Variants in LIMA1 observed in about 807,000 individuals in gnomAD.
The protein encoded by LIMA1 is LIM domain and actin binding 1.
Under a neutral mutation model 62.6 loss-of-function variants are expected in LIMA1, and 52 were observed. The observed-to-expected ratio is 0.83, with a 90% CI of 0.67 to 1.05. LIMA1 has a LOEUF of 1.05. LIMA1 is among the 50% of genes least tolerant of loss of function. LIMA1 has a pLI of 0.00. For missense variants in LIMA1, 780 were observed against 902.2 expected (o/e 0.86, Z 1.74); for synonymous variants, 302 against 317.8 (o/e 0.95, Z 0.53).
chr12:50,277,721 A>G (rs754581232), intron 1 of LIMA1, among the ~76,000 whole-genome samples: 50 of 152,310 alleles, frequency 3.3e-4, no homozygotes, highest in Non-Finnish European at 5.1e-4. Flanking sequence ...CAACTTCTGT[A>G]TACTTTCCAC....
At chr12:50,277,407 GA>G (rs1477304430) in intron 1 of LIMA1, among the ~76,000 whole-genome samples, 1 of 152,094 alleles carries the variant, frequency 6.6e-6, no homozygotes, top group Admixed American at 6.6e-5. Context: ...AAAATTAGGT[GA>G]AAGGTTAGAG....
intron 1 of LIMA1, among the ~76,000 whole-genome samples, chr12:50,258,422 A>C (rs1592560850): frequency 6.6e-6 from 1 of 151,964 alleles, no homozygotes; most frequent in Admixed American, 6.6e-5. Context: ...TCAGCCTGCC[A>C]AGTAGCTGGG....
Position 50,200,822 on chromosome 12 carries a change from C to A in LIMA1, c.927G>T (p.Val309=). The A allele has an allele frequency of 6.2e-7, 1 of 1,614,162 alleles. No homozygotes were observed. Among genetic ancestry groups the A allele is most frequent in the Non-Finnish European group, 8.5e-7 (1 of 1,180,024 alleles). The change falls in exon 7 of 11, where the codon GTG becomes GTT. Residue 309 remains valine (V), a synonymous_variant. Transcript: ENST00000341247. ...TGATGCAGACCTCAGGACCTGGGGG[C>A]ACATTCTCCTTTTGCTCCATTTTAT... ...KIHKMEQKEN[V]PPGPEVCITH... is the part of the protein sequence containing the mutation.
At chr12:50,252,852 T>C (rs997163640) in intron 1 of LIMA1, among the ~76,000 whole-genome samples, 5 of 152,216 alleles carry the variant, frequency 3.3e-5, no homozygotes, top group African/African-American at 1.2e-4. Flanking sequence ...TGAAAAAGCA[T>C]GTAACATGAC....
At chr12:50,210,628 G>C (rs952442982) in intron 4 of LIMA1, among the ~76,000 whole-genome samples, 1 of 152,102 alleles carries the variant, frequency 6.6e-6, no homozygotes, top group African/African-American at 2.4e-5. Flanking sequence ...TGCTGTTATT[G>C]GGAGCATAAT....
intron 6 of LIMA1, chr12:50,201,132 A>G (rs1941041167): frequency 1.6e-6 from 2 of 1,240,844 alleles, no homozygotes; most frequent in Non-Finnish European, 2.0e-6. Flanking sequence ...ATTAGAATAC[A>G]GACACATCAA....
intron 1 of LIMA1, among the ~76,000 whole-genome samples, chr12:50,274,452 C>A (rs1942251712): frequency 6.6e-6 from 1 of 152,012 alleles, no homozygotes; most frequent in Non-Finnish European, 1.5e-5. Flanking sequence ...GGTGTGGTGG[C>A]AGGTGCCTGG....
chr12:50,262,002 CA>C (rs1942078622), intron 1 of LIMA1, among the ~76,000 whole-genome samples: 1 of 152,090 alleles, frequency 6.6e-6, no homozygotes, highest in Non-Finnish European at 1.5e-5. Flanking sequence ...AGAAATCAAA[CA>C]ATAGAGTAGG....
rs1292415340 is a variant in LIMA1, at chr12:50,193,664, ATAT to A, written c.1031-1106_1031-1104del. 1.5e-3 allele frequency among the ~76,000 whole-genome samples: 91 copies of A among 61,742 alleles called. 5 individuals are homozygous for A. Among genetic ancestry groups the A allele is most frequent in the African/African-American group, 5.7e-3 (71 of 12,534 alleles). The allele number at this position is 61,742 out of a possible 152,430, so 40.5% of individuals were successfully genotyped here. On this transcript the variant is annotated intron_variant, in intron 8 of 10. Transcript: ENST00000341247. The stretch of plus-strand genomic sequence containing the variant: ...TGTGTGTGTGTGTATATATATATAT[ATAT>A]TTTTTTTTTTTTTTTTTTTCAGAGT...
intron 1 of LIMA1, among the ~76,000 whole-genome samples, chr12:50,280,210 A>G (rs1942323915): frequency 8.2e-6 from 1 of 121,636 alleles, no homozygotes; most frequent in African/African-American, 3.2e-5. Context: ...GCTGGAGTGC[A>G]GTGGCGCGAT....
At chr12:50,277,324 C>T (rs1942287849) in intron 1 of LIMA1, among the ~76,000 whole-genome samples, 1 of 151,970 alleles carries the variant, frequency 6.6e-6, no homozygotes, top group African/African-American at 2.4e-5. Flanking sequence ...TTAAGCTGTC[C>T]CCAGGCTCCC....
intron 8 of LIMA1, among the ~76,000 whole-genome samples, chr12:50,193,527 CAT>C (rs1289213529): frequency 7.9e-5 from 9 of 113,924 alleles, no homozygotes; most frequent in South Asian, 2.6e-4. Flanking sequence ...TATATATACA[CAT>C]ATATGATATA....
At chr12:50,206,278 T>C (rs1289054223) in intron 4 of LIMA1, among the ~76,000 whole-genome samples, 1 of 152,198 alleles carries the variant, frequency 6.6e-6, no homozygotes, top group Non-Finnish European at 1.5e-5. Flanking sequence ...TAATATTCTC[T>C]GCTAAAGATG....
At chr12:50,224,164 CTG>C (rs1275739263) in intron 3 of LIMA1, 1 of 152,214 alleles carries the variant, frequency 6.6e-6, no homozygotes, top group Non-Finnish European at 1.5e-5. Flanking sequence ...CTCCTGTAGT[CTG>C]TGACTCACCA....
chr12:50,188,034 T>A (rs1021661239), intron 9 of LIMA1: 1 of 152,188 alleles, frequency 6.6e-6, no homozygotes, highest in Non-Finnish European at 1.5e-5. Flanking sequence ...ACCTGTAACT[T>A]CATTGGTACC....
chr12:50,221,666 G>A (rs774312292), intron 4 of LIMA1, among the ~76,000 whole-genome samples: 5 of 152,260 alleles, frequency 3.3e-5, no homozygotes, highest in African/African-American at 1.2e-4. Context: ...TCCAAGCAGA[G>A]AGCTATTCAG....
chr12:50,224,830 C>T (rs761517035), intron 3 of LIMA1, among the ~76,000 whole-genome samples: 8 of 151,400 alleles, frequency 5.3e-5, no homozygotes, highest in African/African-American at 1.9e-4. Flanking sequence ...TTCCTGGGCT[C>T]AAGTGATCCT....
At position 50,202,715 on chromosome 12, in the gene LIMA1, C is replaced by T. The variant is rs112924901; in HGVS notation, c.865-1831G>A. 8.5e-4 allele frequency among the ~76,000 whole-genome samples: 130 copies of T among 152,206 alleles called. 2 individuals are homozygous for T. The highest frequency in any genetic ancestry group is 3.1e-3 in the African/African-American group (127 of 41,526). On this transcript the variant is annotated intron_variant, in intron 6 of 10. Transcript: ENST00000341247. ...TTCATTGCCCAGAGAATTAGTCCAC[C>T]AAATATTATTAGAGAATGTATACTT...
In LIMA1 at chr12:50,235,958, A is replaced by G. The variant is rs1405832202; in HGVS notation, c.120-4248T>C. ...GGTGGGTGGATCACCTGAGGTCAGG[A>G]GTTGGAAACCAGCCCCGCCAACCTG... On this transcript the variant is annotated intron_variant, in intron 2 of 10. Coordinates refer to ENST00000341247, the MANE Select transcript of LIMA1 (RefSeq NM_016357.5). Among the ~76,000 whole-genome samples, 4 of 152,166 alleles carry G rather than the reference A, an allele frequency of 2.6e-5. No individual in the cohort carries two copies. In the East Asian group the frequency reaches 7.7e-4, roughly 29 times the overall value.
Sources: gnomAD v4.1 joint callset for allele counts (sites outside exome capture counted in the v4.1 genomes callset) on GRCh38, gnomAD v4.1.1 for gene constraint, MANE v1.5 for transcripts, NCBI Gene and HGNC (gene_info 2026-07-23, HGNC 2026-07-21) for gene names.